Variants in NBEA observed in about 807,000 individuals in gnomAD.
NBEA encodes the protein lysosomal-trafficking regulator 2.
NBEA carries 44 observed loss-of-function variants against 343.4 expected under a neutral mutation model. The ratio of observed to expected loss-of-function variants is 0.13; its 90% confidence interval spans 0.10 to 0.16. The LOEUF is 0.16. Among genes scored for constraint, NBEA ranks in the 10% least tolerant of loss-of-function variants. NBEA has a pLI of 1.00. For missense variants in NBEA, 2,555 were observed against 3,631.3 expected (o/e 0.70, Z 7.62); for synonymous variants, 1,175 against 1,238.7 (o/e 0.95, Z 1.08).
chr13:35,589,568 A>C (rs565246841), intron 46 of NBEA, among the ~76,000 whole-genome samples: 1 of 152,118 alleles, frequency 6.6e-6, no homozygotes, highest in Non-Finnish European at 1.5e-5. Flanking sequence ...AAAGAAGAAC[A>C]GAACAGAACT....
intron 49 of NBEA, among the ~76,000 whole-genome samples, chr13:35,634,482 A>T (rs1364502738): frequency 6.6e-6 from 1 of 152,252 alleles, no homozygotes; most frequent in East Asian, 1.9e-4. Flanking sequence ...CTGTAAGCAT[A>T]TACCAGACAA....
At chr13:35,041,462 A>G (rs1478738089) in intron 2 of NBEA, among the ~76,000 whole-genome samples, 17 of 152,102 alleles carry the variant, frequency 1.1e-4, no homozygotes, top group Non-Finnish European at 1.9e-4. Flanking sequence ...TTTATGTAGT[A>G]TTTCATTAAG....
intron 41 of NBEA, chr13:35,475,335 G>C (rs761958287): frequency 2.5e-6 from 4 of 1,613,936 alleles, no homozygotes; most frequent in Non-Finnish European, 3.4e-6. Context: ...AATTGTTCAA[G>C]GGCTGGCCCG....
At chr13:35,567,937 C>T (rs1290259423) in intron 45 of NBEA, among the ~76,000 whole-genome samples, 1 of 152,100 alleles carries the variant, frequency 6.6e-6, no homozygotes, top group Non-Finnish European at 1.5e-5. Flanking sequence ...GCCTTTGAAA[C>T]CTAGACGTAC....
chr13:35,161,553 G>A (rs1178569673), intron 22 of NBEA, among the ~76,000 whole-genome samples, 197 bp from the exon 23 acceptor site: 2 of 152,072 alleles, frequency 1.3e-5, no homozygotes, highest in Non-Finnish European at 2.9e-5. Context: ...TAAAATAAAA[G>A]CAATAATGGA....
intron 1 of NBEA, among the ~76,000 whole-genome samples, chr13:35,007,233 A>G (rs1045542878): frequency 6.6e-6 from 1 of 152,058 alleles, no homozygotes; most frequent in Non-Finnish European, 1.5e-5. Flanking sequence ...CATGAAGTGT[A>G]ATTATAGGTA....
At chr13:35,120,943 A>G (rs1282363067) in intron 16 of NBEA, among the ~76,000 whole-genome samples, 1 of 152,132 alleles carries the variant, frequency 6.6e-6, no homozygotes, top group Non-Finnish European at 1.5e-5. Context: ...ATGGACCTAG[A>G]CATTTTCATG....
At chr13:35,232,731 C>A (rs2075040833) in intron 34 of NBEA, 112 bp downstream of exon 34, 1 of 787,434 alleles carries the variant, frequency 1.3e-6, no homozygotes, top group Non-Finnish European at 1.8e-6. Context: ...AAAGGCATTA[C>A]TTCACAAATT....
intron 38 of NBEA, among the ~76,000 whole-genome samples, chr13:35,363,808 G>T (rs1051443886): frequency 2.0e-5 from 3 of 151,828 alleles, no homozygotes; most frequent in African/African-American, 7.2e-5. Context: ...TCATGTTCTA[G>T]CTAAATGATT....
chr13:35,641,183 T>C (rs2083930711), intron 49 of NBEA, among the ~76,000 whole-genome samples: 1 of 152,192 alleles, frequency 6.6e-6, no homozygotes, highest in Non-Finnish European at 1.5e-5. Context: ...ATGTAAATCA[T>C]TACTTTATTT....
intron 1 of NBEA, among the ~76,000 whole-genome samples, chr13:35,032,337 C>T (rs1012989007): frequency 6.6e-6 from 1 of 151,716 alleles, no homozygotes; most frequent in Non-Finnish European, 1.5e-5. Flanking sequence ...TTAATAATAG[C>T]CATTCTTCTT....
chr13:35,304,754 T>G (rs533514054), intron 35 of NBEA, among the ~76,000 whole-genome samples: 1 of 152,232 alleles, frequency 6.6e-6, no homozygotes, highest in African/African-American at 2.4e-5. Flanking sequence ...AAAAATTGTT[T>G]TTAAAAATTT....
At chr13:35,204,699 GA>G (rs757022181) in intron 31 of NBEA, among the ~76,000 whole-genome samples, 2 of 152,104 alleles carry the variant, frequency 1.3e-5, no homozygotes, top group Non-Finnish European at 2.9e-5. Context: ...AGATCTAAAA[GA>G]AGAGCATAAT....
intron 1 of NBEA, among the ~76,000 whole-genome samples, chr13:34,979,952 G>C (rs781211776): frequency 3.3e-5 from 5 of 152,082 alleles, no homozygotes; most frequent in Non-Finnish European, 7.4e-5. Context: ...ATCACCACTT[G>C]TGGAAGAGAC....
chr13:35,234,709 G>A (rs2075142668), intron 34 of NBEA, among the ~76,000 whole-genome samples: 1 of 151,992 alleles, frequency 6.6e-6, no homozygotes, highest in African/African-American at 2.4e-5. Context: ...GGTTTGAAAG[G>A]GTTATGTTCC....
chr13:34,970,501 T>C (rs2059964068), intron 1 of NBEA, among the ~76,000 whole-genome samples: 1 of 152,188 alleles, frequency 6.6e-6, no homozygotes, highest in Non-Finnish European at 1.5e-5. Context: ...TTTCACAGTT[T>C]TTATAATTTT....
intron 40 of NBEA, among the ~76,000 whole-genome samples, chr13:35,453,347 CTA>C (rs2046401595): frequency 6.6e-6 from 1 of 152,182 alleles, no homozygotes; most frequent in Admixed American, 6.5e-5. Context: ...ATTATAAAAA[CTA>C]TTTTTTCGAT....
intron 36 of NBEA, 119 bp downstream of exon 36, chr13:35,309,711 T>G (rs2152832712): frequency 1.7e-6 from 1 of 578,012 alleles, no homozygotes; most frequent in South Asian, 2.4e-5. Flanking sequence ...GTTAAATAAT[T>G]TATCACACAG....
chr13:35,588,116 G>T (rs2081365780), intron 46 of NBEA, among the ~76,000 whole-genome samples: 1 of 152,012 alleles, frequency 6.6e-6, no homozygotes, highest in Non-Finnish European at 1.5e-5. Flanking sequence ...GAAATTCAGA[G>T]TGTATTTTAT....
Sources: allele counts gnomAD v4.1 joint callset (sites outside exome capture counted in the v4.1 genomes callset), GRCh38; gene constraint gnomAD v4.1.1; transcripts MANE v1.5; gene names NCBI Gene and HGNC (gene_info 2026-07-23, HGNC 2026-07-21).